The following IL23R variants were observed in gnomAD, a reference collection of about 807,000 sequenced individuals.
The protein encoded by IL23R is interleukin-23 receptor.
Under a neutral mutation model 56.9 loss-of-function variants are expected in IL23R, and 34 were observed. The observed-to-expected ratio is 0.60, with a 90% confidence interval of 0.45 to 0.80. The LOEUF is 0.80. Ranked by LOEUF, IL23R falls within the 30% of genes least tolerant of loss-of-function variation. The pLI is 0.00. For missense variants in IL23R, 635 were observed against 730.0 expected (o/e 0.87, Z 1.50); for synonymous variants, 230 against 249.2 (o/e 0.92, Z 0.73).
chr1:67,234,396 G>A (rs1034943523), intron 7 of IL23R, among the ~76,000 whole-genome samples: 1 of 152,118 alleles, frequency 6.6e-6, no homozygotes, highest in Non-Finnish European at 1.5e-5. Context: ...ATAACAAATA[G>A]ACTCTAAAGG....
At chr1:67,164,497 G>A (rs1281156774), upstream of IL23R, among the ~76,000 whole-genome samples, 2 of 152,070 alleles carry the variant, frequency 1.3e-5, no homozygotes, top group Non-Finnish European at 2.9e-5. Flanking sequence ...ACCGGGGCAT[G>A]GTGGCACATG....
chr1:67,182,032 G>A (rs1431311303), intron 3 of IL23R, among the ~76,000 whole-genome samples: 1 of 152,212 alleles, frequency 6.6e-6, no homozygotes, highest in Non-Finnish European at 1.5e-5. Flanking sequence ...TGACGTGTCA[G>A]TCTGCCCCTA....
At chr1:67,213,972 G>A (rs1649664146) in intron 6 of IL23R, among the ~76,000 whole-genome samples, 1 of 152,164 alleles carries the variant, frequency 6.6e-6, no homozygotes, top group Non-Finnish European at 1.5e-5. Flanking sequence ...GACCAGGTTG[G>A]AATATATACA....
rs1051768188 is a variant in IL23R, at chr1:67,150,519, A to G, written c.-634+11358A>G. Among the ~76,000 whole-genome samples the G allele has an allele frequency of 4.0e-5, 6 of 151,806 alleles. No homozygotes were observed. In the South Asian group the frequency reaches 1.3e-3, roughly 32 times the overall value. On this transcript the variant is annotated intron_variant, in intron 1 of 10. Transcript: ENST00000637002. The stretch of plus-strand genomic sequence containing the variant: ...TCCCACTTATGAGTGAGAACATGTG[A>G]TGTTTGGTTTTCTGTTCTTGTGTTA...
chr1:67,256,544 C>G (rs1341225293), intron 10 of IL23R, among the ~76,000 whole-genome samples: 1 of 152,108 alleles, frequency 6.6e-6, no homozygotes, highest in Non-Finnish European at 1.5e-5. Context: ...CCCTGGCCCT[C>G]GGGATTGGCT....
At chr1:67,189,691 T>G (rs1030022353) in intron 4 of IL23R, among the ~76,000 whole-genome samples, 1 of 152,190 alleles carries the variant, frequency 6.6e-6, no homozygotes, top group Non-Finnish European at 1.5e-5. Flanking sequence ...ATGCCTGTAA[T>G]CCCAGCACTT....
rs995380204 is a variant in IL23R at position 67,236,912 on chromosome 1, T to G, written c.1045+110T>G. ...TGTTAAGTTTCTGGACAATAAGATA[T>G]GCCTTATGTCTTCCATAGGAAAATA... On this transcript the variant is annotated intron_variant, in intron 8 of 10. Coordinates refer to ENST00000347310, the MANE Select transcript of IL23R (RefSeq NM_144701.3). 7 of 735,528 alleles carry G rather than the reference T, an allele frequency of 9.5e-6. No individual in the cohort carries two copies. In the East Asian group the frequency reaches 1.6e-4, roughly 17 times the overall value. 45.6% of individuals were successfully genotyped at this position (735,528 alleles called of 1,614,324 possible).
chr1:67,210,099 C>T (rs1001200334), intron 6 of IL23R, among the ~76,000 whole-genome samples: 4 of 152,114 alleles, frequency 2.6e-5, no homozygotes, highest in Non-Finnish European at 5.9e-5. Context: ...CAGTATAGGC[C>T]TGAGTCTTAG....
chr1:67,161,502 T>G (rs1646819844), upstream of IL23R, among the ~76,000 whole-genome samples: 1 of 152,114 alleles, frequency 6.6e-6, no homozygotes, highest in Admixed American at 6.5e-5. Context: ...TTGTTTGGCT[T>G]ATAAAGTTGA....
At chr1:67,187,043 ATTTGTGTACACGT>A (rs2102595288) in intron 4 of IL23R, among the ~76,000 whole-genome samples, 1 of 152,226 alleles carries the variant, frequency 6.6e-6, no homozygotes, top group African/African-American at 2.4e-5. Flanking sequence ...TTCTATTAAT[ATTTGTGTACACGT>A]TTTGTGTAGA....
intron 7 of IL23R, 139 bp from the exon 8 acceptor site, chr1:67,236,573 GC>G (rs1416045194): frequency 2.1e-4 from 144 of 675,986 alleles, no homozygotes; most frequent in Admixed American, 2.9e-4. Context: ...GAAGACTATT[GC>G]TTTTATTCCA....
At chr1:67,201,365 G>T (rs1449096501) in intron 5 of IL23R, among the ~76,000 whole-genome samples, 1 of 149,716 alleles carries the variant, frequency 6.7e-6, no homozygotes, top group Non-Finnish European at 1.5e-5. Context: ...CCAAGATTGT[G>T]CCACTGCACT....
At chr1:67,241,574 C>A (rs1296672806) in intron 9 of IL23R, among the ~76,000 whole-genome samples, 6 of 152,170 alleles carry the variant, frequency 3.9e-5, no homozygotes, top group Non-Finnish European at 8.8e-5. Flanking sequence ...CTCTCAGTTA[C>A]CATCATTTTG....
rs1363944131 is a variant in IL23R, at chr1:67,227,946, C to CTT, written c.955+8218_955+8219dup. Among the ~76,000 whole-genome samples the CTT allele has an allele frequency of 1.7e-3, 13 of 7,832 alleles. 1 individual carries two copies. The highest frequency in any genetic ancestry group is 5.1e-3 in the Admixed American group (3 of 592). The allele number at this position is 7,832 out of a possible 152,430, so 5.1% of individuals were successfully genotyped here. On this transcript the variant is annotated intron_variant, in intron 7 of 10. Transcript: ENST00000347310. ...CTATTACTACAGAACAAAGATCTTTCTTTCTTTCTTTCTTTCTTTCTTTCT... is the reference window on the plus strand; with the variant it reads ...CTATTACTACAGAACAAAGATCTTTCTTTTTCTTTCTTTCTTTCTTTCTTTCT...
chr1:67,249,965 T>C (rs1652504673), intron 9 of IL23R, among the ~76,000 whole-genome samples: 1 of 152,228 alleles, frequency 6.6e-6, no homozygotes. Flanking sequence ...CCCCTTTATC[T>C]TTAGCCAATG....
intron 6 of IL23R, among the ~76,000 whole-genome samples, chr1:67,209,534 T>A (rs1649314765): frequency 6.6e-6 from 1 of 152,212 alleles, no homozygotes; most frequent in Non-Finnish European, 1.5e-5. Flanking sequence ...TTTTGCTTTT[T>A]CCTCATTTTC....
At chr1:67,240,088 C>A (rs1254005535) in intron 8 of IL23R, 91 bp from the exon 9 acceptor site, 3 of 954,370 alleles carry the variant, frequency 3.1e-6, no homozygotes, top group Non-Finnish European at 5.0e-6. Context: ...CCTTTGAGAC[C>A]TTTGCTTTGA....
chr1:67,249,592 A>G (rs1423739852), intron 9 of IL23R, among the ~76,000 whole-genome samples: 1 of 152,174 alleles, frequency 6.6e-6, no homozygotes, highest in Non-Finnish European at 1.5e-5. Context: ...TGGAACATAT[A>G]TTAATATTAT....
chr1:67,229,005 CA>C (rs1291024691), intron 7 of IL23R, among the ~76,000 whole-genome samples: 1 of 152,174 alleles, frequency 6.6e-6, no homozygotes, highest in Non-Finnish European at 1.5e-5. Context: ...CTCTGATTAC[CA>C]ACATGTGTAT....
Sources: gnomAD v4.1 joint callset for allele counts (sites outside exome capture counted in the v4.1 genomes callset) on GRCh38, gnomAD v4.1.1 for gene constraint, MANE v1.5 for transcripts, NCBI Gene and HGNC (gene_info 2026-07-23, HGNC 2026-07-21) for gene names.